PLCL1: variants seen among roughly 807,000 people sequenced by gnomAD.
PLCL1 encodes inactive phospholipase C-like protein 1.
Under a neutral mutation model 84.4 loss-of-function variants are expected in PLCL1, and 41 were observed. The ratio of observed to expected loss-of-function variants is 0.49; its 90% CI spans 0.38 to 0.63. The LOEUF (loss-of-function observed/expected upper bound fraction) is 0.63, where lower values mean the gene tolerates loss of function less well. Ranked by LOEUF, PLCL1 falls within the 30% of genes least tolerant of loss-of-function variation. The pLI, the probability that PLCL1 is intolerant of heterozygous loss-of-function variation, is 0.00. For missense variants in PLCL1, 1,206 were observed against 1,367.8 expected (o/e 0.88, Z 1.87); for synonymous variants, 490 against 488.3 (o/e 1.00, Z -0.05).
At position 198,104,999 on chromosome 2, in the gene PLCL1, T is replaced by C. The variant is rs182604763; in HGVS notation, c.3105+1063T>C. On this transcript the variant is annotated intron_variant, in intron 5 of 5. Coordinates refer to ENST00000428675, the MANE Select transcript of PLCL1 (RefSeq NM_006226.4). ...TCTGTTTGCTGTCTTGATAGTTTCT[T>C]TTGCTGTGCAGAAGTTCTTTAATTA... Among the ~76,000 whole-genome samples the C allele has an allele frequency of 4.5e-3, 687 of 152,212 alleles. 2 individuals carry two copies. Among genetic ancestry groups the C allele is most frequent in the Non-Finnish European group, 8.5e-3 (578 of 67,990 alleles).
At position 197,928,124 on chromosome 2, in the gene PLCL1, C is replaced by G. The variant is rs546372919; in HGVS notation, c.240+122785C>G. Among the ~76,000 whole-genome samples, 4 of 152,164 alleles carry G rather than the reference C, an allele frequency of 2.6e-5. No individual in the cohort carries two copies. In the East Asian group the frequency reaches 7.7e-4, roughly 29 times the overall value. ...AAAGGTATACAGTTTTAGAAACTTC[C>G]TTTCATCAAGTTTCAATTTTTCCTT... On this transcript the variant is annotated intron_variant, in intron 1 of 5. Coordinates refer to ENST00000428675, the MANE Select transcript of PLCL1 (RefSeq NM_006226.4).
intron 1 of PLCL1, among the ~76,000 whole-genome samples, chr2:197,896,747 TAA>T (rs1688142814): frequency 6.6e-6 from 1 of 152,058 alleles, no homozygotes; most frequent in African/African-American, 2.4e-5. Flanking sequence ...GTTAAAATGC[TAA>T]AAGAGTTTTG....
intron 5 of PLCL1, among the ~76,000 whole-genome samples, chr2:198,140,434 A>G (rs1044256301): frequency 2.6e-5 from 4 of 152,162 alleles, no homozygotes; most frequent in African/African-American, 7.2e-5. Flanking sequence ...TTTCTGCTTA[A>G]AATGCAGTTA....
chr2:197,865,631 G>A (rs1029629370), intron 1 of PLCL1, among the ~76,000 whole-genome samples: 35 of 152,048 alleles, frequency 2.3e-4, no homozygotes, highest in Admixed American at 2.6e-4. Context: ...AATATAAATC[G>A]GAAATGCTAA....
chr2:198,085,852 G>C lies in PLCL1; in HGVS notation c.2335G>C (p.Asp779His). 6.2e-7 allele frequency: 1 copy of C among 1,614,110 alleles called. No individual in the cohort carries two copies. The highest frequency in any genetic ancestry group is 8.5e-7 in the Non-Finnish European group (1 of 1,180,000). ...GCAAAACAGTGATAATCCTATTTTT[G>C]ATGAAACTTTTGAGTTCCAAGTAAA... is the stretch of plus-strand genomic sequence containing the variant. ...VQQNSDNPIF[D>H]ETFEFQVNLP... Residue 779 changes from aspartate to histidine, a missense_variant, in exon 2 of 6, where the codon GAT (aspartate) becomes CAT (histidine). Transcript: ENST00000428675. This position sits in a 1 kb window ranked among gnomAD's most constrained non-coding sequence, Gnocchi z 5.3.
chr2:197,853,025 C>A (rs1687268447), intron 1 of PLCL1, among the ~76,000 whole-genome samples: 1 of 152,192 alleles, frequency 6.6e-6, no homozygotes. Context: ...TCCCCATTTT[C>A]TCCTTTCTCC....
chr2:197,983,249 T>G, intron 1 of PLCL1, among the ~76,000 whole-genome samples: 1 of 136,060 alleles, frequency 7.3e-6, no homozygotes, highest in Admixed American at 7.7e-5. Context: ...TGAGACAGGG[T>G]CTTGCTCTGT....
intron 3 of PLCL1, 120 bp from the exon 4 acceptor site, chr2:198,101,165 T>G: frequency 1.5e-6 from 1 of 683,396 alleles, no homozygotes; most frequent in South Asian, 1.8e-5. Flanking sequence ...CCATCTGTTG[T>G]GGTGAGACTA....
chr2:197,902,424 G>C (rs1427253836), intron 1 of PLCL1, among the ~76,000 whole-genome samples: 1 of 152,180 alleles, frequency 6.6e-6, no homozygotes, highest in Non-Finnish European at 1.5e-5. Flanking sequence ...GTTTGGGTTT[G>C]GCAGCTGTCA....
At chr2:197,940,975 A>G (rs980834279) in intron 1 of PLCL1, among the ~76,000 whole-genome samples, 2 of 152,178 alleles carry the variant, frequency 1.3e-5, no homozygotes, top group African/African-American at 4.8e-5. Flanking sequence ...TCTGTATGTT[A>G]ATATCTGATA....
chr2:198,127,112 T>G (rs1694007412), intron 5 of PLCL1, among the ~76,000 whole-genome samples: 1 of 152,072 alleles, frequency 6.6e-6, no homozygotes, highest in Non-Finnish European at 1.5e-5. Context: ...AGGCAGTTTG[T>G]AGCACAGCAG....
chr2:197,931,486 C>G (rs1222553163), intron 1 of PLCL1, among the ~76,000 whole-genome samples: 1 of 152,144 alleles, frequency 6.6e-6, no homozygotes. Context: ...TTTCTGCATG[C>G]AAATTCCACC....
intron 1 of PLCL1, among the ~76,000 whole-genome samples, chr2:198,025,920 C>A (rs1691253499): frequency 6.6e-6 from 1 of 152,094 alleles, no homozygotes; most frequent in Non-Finnish European, 1.5e-5. Context: ...TGCTGTGGAG[C>A]CATTGGACCA....
chr2:197,852,478 T>G (rs920234894), intron 1 of PLCL1, among the ~76,000 whole-genome samples: 1 of 152,240 alleles, frequency 6.6e-6, no homozygotes, highest in East Asian at 1.9e-4. Context: ...CTTAATATGC[T>G]CATTCATTTG....
chr2:198,103,043 A>T (rs993465578), intron 4 of PLCL1, among the ~76,000 whole-genome samples: 2 of 152,090 alleles, frequency 1.3e-5, no homozygotes, highest in Admixed American at 6.6e-5. Context: ...TGCTATTTTT[A>T]AAAAAGCCTT....
chr2:198,131,692 C>T (rs1215868355), intron 5 of PLCL1, among the ~76,000 whole-genome samples: 4 of 152,180 alleles, frequency 2.6e-5, no homozygotes, highest in Admixed American at 2.0e-4. Flanking sequence ...CTGGTTTTCT[C>T]TGCAAGAAGC....
At chr2:198,026,082 C>A (rs1691256661) in intron 1 of PLCL1, among the ~76,000 whole-genome samples, 1 of 152,084 alleles carries the variant, frequency 6.6e-6, no homozygotes, top group African/African-American at 2.4e-5. Flanking sequence ...CTGCATCTGC[C>A]ACCCTGAAAG....
At chr2:198,001,509 T>A (rs1316509110) in intron 1 of PLCL1, among the ~76,000 whole-genome samples, 1 of 152,182 alleles carries the variant, frequency 6.6e-6, no homozygotes. Context: ...AACTTCTAAC[T>A]CCATAGATTA....
At chr2:198,056,154 C>T (rs1312286878) in intron 1 of PLCL1, among the ~76,000 whole-genome samples, 1 of 152,154 alleles carries the variant, frequency 6.6e-6, no homozygotes, top group Non-Finnish European at 1.5e-5. Flanking sequence ...ACAACCATTT[C>T]AATAACATTT....
Sources: gnomAD v4.1 joint callset for allele counts (sites outside exome capture counted in the v4.1 genomes callset) on GRCh38, gnomAD v4.1.1 for gene constraint, Gnocchi (gnomAD v3.1) non-coding constraint, MANE v1.5 for transcripts, NCBI Gene and HGNC (gene_info 2026-07-23, HGNC 2026-07-21) for gene names.